Variants in ZNF385B observed in about 807,000 individuals in gnomAD.
ZNF385B encodes zinc finger protein 385B, also known as zinc finger protein 533.
Under a neutral mutation model 39.2 loss-of-function variants are expected in ZNF385B, and 23 were observed. That is an observed-to-expected ratio of 0.59 (90% CI 0.42 to 0.83). ZNF385B has a LOEUF of 0.83. Among genes scored for constraint, ZNF385B ranks in the 40% least tolerant of loss-of-function variants. ZNF385B has a pLI of 0.00. For synonymous variants in ZNF385B, 205 were observed against 222.6 expected (o/e 0.92, Z 0.70); for missense variants, 552 against 598.9 (o/e 0.92, Z 0.82).
chr2:179,666,130 C>T (rs1304376583), intron 3 of ZNF385B, among the ~76,000 whole-genome samples: 2 of 151,920 alleles, frequency 1.3e-5, no homozygotes, highest in Non-Finnish European at 2.9e-5. Context: ...GATGAAAGCC[C>T]AAAAAGATTT....
At chr2:179,790,221 G>T (rs1705245343) in intron 1 of ZNF385B, among the ~76,000 whole-genome samples, 1 of 152,154 alleles carries the variant, frequency 6.6e-6, no homozygotes. Flanking sequence ...TGCTTTGGAA[G>T]ATTTCTCCTC....
rs1325386918 is a variant in ZNF385B, at chr2:179,483,363, A to G, written c.624T>C (p.Asn208=). The change falls in exon 6 of 10, where the codon AAT becomes AAC. Residue 208 remains asparagine, a synonymous_variant. Transcript: ENST00000410066. ...KKVKALDATK[N]KPKMVPSKDS... ...CCTTGGAAGGAACCATTTTGGGTTT[A>G]TTTTTCGTTGCGTCTAGTGCTTTGA... The G allele has an allele frequency of 6.2e-7, 1 of 1,613,954 alleles. No homozygotes were observed. Among genetic ancestry groups the G allele is most frequent in the Non-Finnish European group, 8.5e-7 (1 of 1,179,926 alleles).
In ZNF385B at chr2:179,610,636, G is replaced by A. The variant is rs61326509; in HGVS notation, c.299-65667C>T. On this transcript the variant is annotated intron_variant, in intron 3 of 9. Transcript: ENST00000410066. ...GGGGATTGCATTGACTCTGTAGATT[G>A]CTTTGGGTAGTATGGACATCTTAAC... Among the ~76,000 whole-genome samples the A allele has an allele frequency of 4.9e-3, 742 of 152,196 alleles. 10 individuals carry two copies. The highest frequency in any genetic ancestry group is 0.036 in the East Asian group (188 of 5,182).
intron 6 of ZNF385B, among the ~76,000 whole-genome samples, chr2:179,455,982 C>T (rs1290413324): frequency 6.6e-6 from 1 of 151,882 alleles, no homozygotes; most frequent in African/African-American, 2.4e-5. Flanking sequence ...GTAGGCTGTA[C>T]TGCCTAGATG....
chr2:179,563,389 C>G (rs1026277725), intron 3 of ZNF385B, among the ~76,000 whole-genome samples: 1 of 152,116 alleles, frequency 6.6e-6, no homozygotes, highest in East Asian at 1.9e-4. Flanking sequence ...ATAAAAGAAA[C>G]TTGAAATGAC....
At chr2:179,532,691 T>G (rs191572452) in intron 4 of ZNF385B, among the ~76,000 whole-genome samples, 1 of 152,250 alleles carries the variant, frequency 6.6e-6, no homozygotes, top group East Asian at 1.9e-4. Context: ...TAATACTAAT[T>G]ATAATCAGAC....
intron 3 of ZNF385B, among the ~76,000 whole-genome samples, chr2:179,609,805 A>C (rs1689138386): frequency 6.6e-6 from 1 of 152,206 alleles, no homozygotes; most frequent in Admixed American, 6.5e-5. Flanking sequence ...TTTGATTTGC[A>C]GTTCTCTGAT....
At chr2:179,489,216 T>C (rs2054939959) in intron 5 of ZNF385B, among the ~76,000 whole-genome samples, 1 of 152,212 alleles carries the variant, frequency 6.6e-6, no homozygotes, top group African/African-American at 2.4e-5. Flanking sequence ...CTGAGTCCTG[T>C]GTATTATACA....
intron 3 of ZNF385B, among the ~76,000 whole-genome samples, chr2:179,766,762 G>C (rs1703718373): frequency 6.6e-6 from 1 of 152,132 alleles, no homozygotes; most frequent in South Asian, 2.1e-4. Context: ...CTGGGGGTTA[G>C]AATTCCAATA....
At chr2:179,662,323 G>A (rs3112974) in intron 3 of ZNF385B, among the ~76,000 whole-genome samples, 149,368 of 151,934 alleles carry the variant, frequency 0.98, 73,465 homozygotes, top group East Asian at 1. Flanking sequence ...ATCCAGAGGG[G>A]CTTTTTTAAA....
intron 3 of ZNF385B, among the ~76,000 whole-genome samples, chr2:179,640,141 C>A (rs1470902372): frequency 6.6e-6 from 1 of 152,096 alleles, no homozygotes; most frequent in African/African-American, 2.4e-5. Flanking sequence ...TAAAGGAGAT[C>A]ACAAAGACCT....
intron 1 of ZNF385B, among the ~76,000 whole-genome samples, chr2:179,799,078 C>T (rs1705867227): frequency 6.6e-6 from 1 of 152,012 alleles, no homozygotes; most frequent in Non-Finnish European, 1.5e-5. Flanking sequence ...ACTATATATA[C>T]ATTTATTTGT....
intron 5 of ZNF385B, among the ~76,000 whole-genome samples, chr2:179,493,052 G>A (rs959068509): frequency 6.6e-6 from 1 of 152,056 alleles, no homozygotes; most frequent in Non-Finnish European, 1.5e-5. Context: ...TATTTTAATA[G>A]AATCAACAAA....
chr2:179,689,691 C>G (rs1191391511), intron 3 of ZNF385B, among the ~76,000 whole-genome samples: 1 of 152,126 alleles, frequency 6.6e-6, no homozygotes, highest in Non-Finnish European at 1.5e-5. Context: ...ACATCAGTGC[C>G]TCCTTTCTGC....
intron 5 of ZNF385B, among the ~76,000 whole-genome samples, chr2:179,500,251 T>TA (rs1172857619): frequency 5.3e-5 from 8 of 151,778 alleles, no homozygotes; most frequent in East Asian, 3.9e-4. Flanking sequence ...TTCACAGAAA[T>TA]AAAAAAAACT....
intron 5 of ZNF385B, among the ~76,000 whole-genome samples, chr2:179,508,136 A>G (rs1394996013): frequency 6.6e-6 from 1 of 152,178 alleles, no homozygotes; most frequent in Non-Finnish European, 1.5e-5. Context: ...TTAAACTGTA[A>G]AAACTATAGC....
At chr2:179,670,441 A>G (rs895024782) in intron 3 of ZNF385B, among the ~76,000 whole-genome samples, 12 of 152,186 alleles carry the variant, frequency 7.9e-5, no homozygotes, top group Non-Finnish European at 1.5e-5. Context: ...TGTAACAGTC[A>G]TAAGAAAAAC....
intron 8 of ZNF385B, among the ~76,000 whole-genome samples, chr2:179,445,255 T>C (rs1328479472): frequency 6.6e-6 from 1 of 152,176 alleles, no homozygotes; most frequent in Non-Finnish European, 1.5e-5. Context: ...CTTTGGAAGA[T>C]AGGCTTAACA....
At chr2:179,460,884 C>T (rs1477438328) in intron 6 of ZNF385B, among the ~76,000 whole-genome samples, 1 of 152,228 alleles carries the variant, frequency 6.6e-6, no homozygotes, top group East Asian at 1.9e-4. Context: ...CGAGTAATTA[C>T]TCCCATCCTC....
Sources: gnomAD v4.1 joint callset for allele counts (sites outside exome capture counted in the v4.1 genomes callset) on GRCh38, gnomAD v4.1.1 for gene constraint, MANE v1.5 for transcripts, NCBI Gene and HGNC (gene_info 2026-07-23, HGNC 2026-07-21) for gene names.